The following DSCAM variants were observed in gnomAD, a reference collection of about 807,000 sequenced individuals.
DSCAM encodes cell adhesion molecule DSCAM.
DSCAM carries 47 observed loss-of-function variants against 217.7 expected under a neutral mutation model. The ratio of observed to expected loss-of-function variants is 0.22; its 90% CI spans 0.17 to 0.28. DSCAM has a LOEUF of 0.28. DSCAM is among the 10% of genes least tolerant of loss of function. The pLI, the probability that DSCAM is intolerant of heterozygous loss-of-function variation, is 1.00. For synonymous variants in DSCAM, 1,056 were observed against 1,015.3 expected, an observed-to-expected ratio of 1.04 and a Z score of -0.76; for missense variants, 2,080 against 2,618.3, an observed-to-expected ratio of 0.79 and a Z score of 4.49.
chr21:40,158,062 T>C (rs1251668818), intron 16 of DSCAM, among the ~76,000 whole-genome samples: 1 of 152,126 alleles, frequency 6.6e-6, no homozygotes, highest in Non-Finnish European at 1.5e-5. Context: ...TCAACATGCA[T>C]GAATAGGTAT....
chr21:40,013,642 G>A (rs2088103607), intron 32 of DSCAM, among the ~76,000 whole-genome samples: 1 of 152,130 alleles, frequency 6.6e-6, no homozygotes, highest in African/African-American at 2.4e-5. Flanking sequence ...GTACAGAAAT[G>A]GAGGAATGGA....
At chr21:40,715,760 T>C (rs1450016443) in intron 1 of DSCAM, among the ~76,000 whole-genome samples, 1 of 152,236 alleles carries the variant, frequency 6.6e-6, no homozygotes, top group East Asian at 1.9e-4. Flanking sequence ...ATGAGGTAAC[T>C]GTCACTCTTC....
At chr21:40,699,942 T>A (rs969540674) in intron 2 of DSCAM, among the ~76,000 whole-genome samples, 1 of 152,166 alleles carries the variant, frequency 6.6e-6, no homozygotes, top group Admixed American at 6.5e-5. Context: ...AAGATATCCT[T>A]CTATTAAAAG....
At chr21:40,600,053 GA>G (rs1400165785) in intron 3 of DSCAM, among the ~76,000 whole-genome samples, 1 of 152,128 alleles carries the variant, frequency 6.6e-6, no homozygotes, top group Non-Finnish European at 1.5e-5. Flanking sequence ...CCATCCTTCT[GA>G]AACTATTTCA....
At chr21:40,291,224 C>T (rs539136581) in intron 10 of DSCAM, among the ~76,000 whole-genome samples, 5 of 152,352 alleles carry the variant, frequency 3.3e-5, no homozygotes, top group African/African-American at 9.6e-5. Context: ...GGCCACATCC[C>T]GGCCAAGGCC....
chr21:40,738,349 G>C (rs148582074), intron 1 of DSCAM, among the ~76,000 whole-genome samples: 1 of 152,322 alleles, frequency 6.6e-6, no homozygotes, highest in African/African-American at 2.4e-5. Context: ...CAGGGACCCA[G>C]AGCTGGTTCT....
chr21:40,613,517 C>T (rs1425980769), intron 3 of DSCAM, among the ~76,000 whole-genome samples: 4 of 152,118 alleles, frequency 2.6e-5, no homozygotes, highest in Non-Finnish European at 5.9e-5. Flanking sequence ...TCTCAGAAGT[C>T]TCTAAGAAAA....
At chr21:40,464,606 A>G (rs542208781) in intron 3 of DSCAM, among the ~76,000 whole-genome samples, 1 of 152,294 alleles carries the variant, frequency 6.6e-6, no homozygotes, top group Non-Finnish European at 1.5e-5. Context: ...ACTCCTGTCC[A>G]GCCCACTTTT....
chr21:40,175,821 A>G (rs866009405), intron 15 of DSCAM, among the ~76,000 whole-genome samples: 8 of 127,380 alleles, frequency 6.3e-5, no homozygotes, highest in East Asian at 2.2e-4. Flanking sequence ...ACACACACAC[A>G]CACGCACACA....
At chr21:40,843,665 G>T (rs1211299220) in intron 1 of DSCAM, among the ~76,000 whole-genome samples, 1 of 151,996 alleles carries the variant, frequency 6.6e-6, no homozygotes, top group Non-Finnish European at 1.5e-5. Flanking sequence ...TGTAACAGAA[G>T]CTCGCGTGTA....
chr21:40,646,156 G>A (rs987334168), intron 3 of DSCAM, among the ~76,000 whole-genome samples: 1 of 152,114 alleles, frequency 6.6e-6, no homozygotes, highest in East Asian at 1.9e-4. Context: ...GTGGCTCCTG[G>A]CTGCAATCCT....
chr21:40,548,192 A>C (rs2076599269), intron 3 of DSCAM, among the ~76,000 whole-genome samples: 1 of 152,192 alleles, frequency 6.6e-6, no homozygotes, highest in Admixed American at 6.5e-5. Context: ...GCACTGTGTC[A>C]ACAGCCACCC....
chr21:40,342,769 T>G (rs1043196288), intron 6 of DSCAM, among the ~76,000 whole-genome samples: 2 of 129,460 alleles, frequency 1.5e-5, no homozygotes, highest in African/African-American at 5.8e-5. Flanking sequence ...TTTTTTTTTG[T>G]AGAGACAAAG....
intron 8 of DSCAM, among the ~76,000 whole-genome samples, chr21:40,321,907 T>C (rs1206642469): frequency 2.0e-5 from 3 of 152,298 alleles, no homozygotes; most frequent in African/African-American, 2.4e-5. Context: ...GATCATCTTA[T>C]AATGGCAAAA....
chr21:40,609,658 T>C lies in DSCAM; in HGVS notation c.508+83152A>G, dbSNP rs544408863. ...CTTCTGTGAGAAAAGGAAAGATGAC[T>C]CAGGAAGGGGAGAGCATTGTTAGGA... On this transcript the variant is annotated intron_variant, in intron 3 of 32. Transcript: ENST00000400454. Among the ~76,000 whole-genome samples, 3 of 152,298 alleles carry C rather than the reference T, an allele frequency of 2.0e-5. No homozygotes were observed. In the East Asian group the frequency reaches 5.8e-4, roughly 29 times the overall value.
At chr21:40,397,630 C>A (rs889644712) in intron 3 of DSCAM, among the ~76,000 whole-genome samples, 1 of 152,254 alleles carries the variant, frequency 6.6e-6, no homozygotes, top group African/African-American at 2.4e-5. Context: ...GATTGGCATT[C>A]ATGTGGCGAG....
intron 3 of DSCAM, among the ~76,000 whole-genome samples, chr21:40,674,763 G>A (rs1029183985): frequency 6.6e-6 from 1 of 151,260 alleles, no homozygotes; most frequent in Non-Finnish European, 1.5e-5. Flanking sequence ...CTCCCGGGTA[G>A]TTGGGACTAC....
chr21:40,260,429 C>T (rs922628634), intron 11 of DSCAM, among the ~76,000 whole-genome samples: 3 of 152,216 alleles, frequency 2.0e-5, no homozygotes, highest in Admixed American at 6.5e-5. Context: ...GGTCACTGCC[C>T]TGTAGCATGG....
In DSCAM at chr21:40,012,185, GC is replaced by G. The variant is rs1294412862; in HGVS notation, c.*848del. 1.3e-5 allele frequency: 2 copies of G among 152,358 alleles called. No homozygotes were observed. The highest frequency in any genetic ancestry group is 2.9e-5 in the Non-Finnish European group (2 of 68,052). 9.4% of individuals were successfully genotyped at this position (152,358 alleles called of 1,614,324 possible). ...CGACGGGCTTCGAATACTTGGGCTGGCCTCTGGTTGCGGTGGAGACCAGCCT... is the reference window on the plus strand; with the variant it reads ...CGACGGGCTTCGAATACTTGGGCTGGCTCTGGTTGCGGTGGAGACCAGCCT... On this transcript the variant is annotated 3_prime_UTR_variant, in exon 33 of 33. Transcript: ENST00000400454.
Sources: allele counts gnomAD v4.1 joint callset (sites outside exome capture counted in the v4.1 genomes callset), GRCh38; gene constraint gnomAD v4.1.1; transcripts MANE v1.5; gene names NCBI Gene and HGNC (gene_info 2026-07-23, HGNC 2026-07-21).